The following VWA3B variants were observed in gnomAD, a reference collection of about 807,000 sequenced individuals.
The protein encoded by VWA3B is von Willebrand factor A domain-containing protein 3B.
Under a neutral mutation model 158.3 loss-of-function variants are expected in VWA3B, and 138 were observed. The observed-to-expected ratio is 0.87, with a 90% CI of 0.76 to 1.00. The LOEUF (loss-of-function observed/expected upper bound fraction) is 1.00, where lower values mean the gene tolerates loss of function less well. VWA3B is among the 50% of genes least tolerant of loss of function. The pLI, the probability that VWA3B is intolerant of heterozygous loss-of-function variation, is 0.00. For missense variants in VWA3B, 1,555 were observed against 1,565.1 expected (o/e 0.99, Z 0.11); for synonymous variants, 596 against 587.3 (o/e 1.01, Z -0.21).
At chr2:98,113,172 A>G (rs991907617) in intron 2 of VWA3B, among the ~76,000 whole-genome samples, 1 of 151,782 alleles carries the variant, frequency 6.6e-6, no homozygotes, top group Non-Finnish European at 1.5e-5. Flanking sequence ...TCTTTTGACT[A>G]TTGGTCACAT....
chr2:98,290,800 T>C (rs907896812), intron 23 of VWA3B, 178 bp downstream of exon 23: 10 of 524,820 alleles, frequency 1.9e-5, no homozygotes, highest in Non-Finnish European at 3.4e-5. Flanking sequence ...ATGAGCGTAT[T>C]TGGGCCCCCC....
intron 14 of VWA3B, among the ~76,000 whole-genome samples, chr2:98,226,042 A>G (rs192300390): frequency 6.6e-6 from 1 of 152,358 alleles, no homozygotes; most frequent in Non-Finnish European, 1.5e-5. Context: ...AAATTTCTAT[A>G]AAAACCCCAG....
Position 98,311,985 on chromosome 2 carries a change from G to A in VWA3B, c.3688G>A (p.Gly1230Ser), listed in dbSNP as rs759997020. Reference sequence around the variant, plus strand: ...CTCGGACTCGGACGGCTCCTCCCACGGCATCAGCTCCCATGGGTCCTGCCA... The same window carrying A: ...CTCGGACTCGGACGGCTCCTCCCACAGCATCAGCTCCCATGGGTCCTGCCA... ...APSDSDGSSHGISSHGSCQGT... is the reference protein window; with the variant it reads ...APSDSDGSSHSISSHGSCQGT... The change falls in exon 27 of 28, where the codon GGC becomes AGC. Residue 1230 changes from glycine to serine, a missense_variant. Transcript: ENST00000477737. 2.5e-6 allele frequency: 4 copies of A among 1,604,142 alleles called. No individual in the cohort carries two copies. The highest frequency in any genetic ancestry group is 3.4e-6 in the Non-Finnish European group (4 of 1,175,344).
rs779891369 is a variant in VWA3B, at chr2:98,236,456, G to A, written c.2495G>A (p.Gly832Glu). The A allele has an allele frequency of 1.2e-6, 2 of 1,614,238 alleles. No homozygotes were observed. The highest frequency in any genetic ancestry group is 2.2e-5 in the South Asian group (2 of 91,086). The change falls in exon 18 of 28, where the codon GGA becomes GAA. Residue 832 changes from glycine (G) to glutamate (E), a missense_variant. Gly to Glu is a moderately conservative substitution (Grantham distance 98). Coordinates refer to ENST00000477737, the MANE Select transcript of VWA3B (RefSeq NM_144992.5). ...TCGTCAGAAAAGGTGACGCGAGAAG[G>A]AAGCCAGGTTTATGACCACGAGTGA... The part of the protein sequence containing the change: ...DKSSEKVTRE[G>E]SQVYDHDSSD...
the VWA3B span, among the ~76,000 whole-genome samples, chr2:98,328,322 G>A: frequency 6.6e-6 from 1 of 152,262 alleles, no homozygotes; most frequent in East Asian, 1.9e-4. Flanking sequence ...GACCACTTCT[G>A]TTAAACATTG....
At chr2:98,140,053 CG>C in intron 7 of VWA3B, among the ~76,000 whole-genome samples, 1 of 152,156 alleles carries the variant, frequency 6.6e-6, no homozygotes, top group East Asian at 1.9e-4. Flanking sequence ...TAACACTCAC[CG>C]TGAAGGTCTG....
intron 17 of VWA3B, among the ~76,000 whole-genome samples, chr2:98,236,123 G>C (rs969076483): frequency 6.6e-6 from 1 of 152,170 alleles, no homozygotes; most frequent in African/African-American, 2.4e-5. Flanking sequence ...ACTTTTTAGA[G>C]GTGTGTTTTC....
intron 4 of VWA3B, 136 bp downstream of exon 4, chr2:98,119,899 G>T (rs1014939673): frequency 1.1e-5 from 13 of 1,149,358 alleles, no homozygotes; most frequent in East Asian, 7.3e-5. Context: ...CCTAGAAGAT[G>T]TAATTTCAGC....
intron 1 of VWA3B, among the ~76,000 whole-genome samples, chr2:98,092,159 C>T (rs566077363): frequency 2.2e-4 from 33 of 152,158 alleles, no homozygotes; most frequent in Admixed American, 2.6e-4. Flanking sequence ...GGTTCCCAAC[C>T]GCCACCAGCT....
chr2:98,110,838 A>G (rs1674081466), intron 2 of VWA3B, among the ~76,000 whole-genome samples: 1 of 152,222 alleles, frequency 6.6e-6, no homozygotes. Flanking sequence ...TGAATCATGA[A>G]GGCAGGTCTT....
At chr2:98,236,832 T>C in intron 19 of VWA3B, 102 bp downstream of exon 19, 1 of 1,454,886 alleles carries the variant, frequency 6.9e-7, no homozygotes, top group Non-Finnish European at 9.2e-7. Flanking sequence ...AAATGTATTT[T>C]AGCCACTGGG....
At chr2:98,179,970 A>G (rs1259917176) in intron 8 of VWA3B, among the ~76,000 whole-genome samples, 1 of 70,784 alleles carries the variant, frequency 1.4e-5, no homozygotes, top group African/African-American at 5.2e-5. Flanking sequence ...TCTTTCCTTC[A>G]TCTATCTCCT....
intron 23 of VWA3B, 146 bp from the exon 24 acceptor site, chr2:98,297,761 A>C (rs1689901162): frequency 1.8e-6 from 2 of 1,123,268 alleles, no homozygotes; most frequent in African/African-American, 3.2e-5. Context: ...TATGGTGCCC[A>C]AGATTATCTG....
chr2:98,282,016 A>G (rs1008461086), intron 22 of VWA3B, among the ~76,000 whole-genome samples: 1 of 152,178 alleles, frequency 6.6e-6, no homozygotes, highest in African/African-American at 2.4e-5. Context: ...TTTTGTGTGC[A>G]TGTATAGGCG....
intron 21 of VWA3B, among the ~76,000 whole-genome samples, chr2:98,263,372 A>G (rs1017654987): frequency 9.2e-5 from 14 of 151,892 alleles, no homozygotes; most frequent in Non-Finnish European, 1.8e-4. Context: ...TTCATTATTA[A>G]GTACAATAGT....
intron 19 of VWA3B, among the ~76,000 whole-genome samples, chr2:98,247,582 GTC>G (rs1179354385): frequency 6.6e-6 from 1 of 152,054 alleles, no homozygotes; most frequent in Non-Finnish European, 1.5e-5. Flanking sequence ...GGATATAAAA[GTC>G]TCTGTTAACT....
chr2:98,207,942 C>A (rs1297562373), intron 12 of VWA3B, among the ~76,000 whole-genome samples: 3 of 152,014 alleles, frequency 2.0e-5, no homozygotes, highest in Non-Finnish European at 4.4e-5. Context: ...AAGACTCTAC[C>A]TATTTTATCT....
chr2:98,208,921 G>A (rs1267260614), intron 12 of VWA3B, among the ~76,000 whole-genome samples: 3 of 151,998 alleles, frequency 2.0e-5, no homozygotes, highest in Non-Finnish European at 2.9e-5. Flanking sequence ...TTCTTTAAGG[G>A]TAGGTCTCCC....
At chr2:98,259,783 G>A (rs1309034419) in intron 21 of VWA3B, among the ~76,000 whole-genome samples, 1 of 151,410 alleles carries the variant, frequency 6.6e-6, no homozygotes, top group Non-Finnish European at 1.5e-5. Context: ...CTGGCTTTGG[G>A]TTTAGTTTTC....
Sources: gnomAD v4.1 joint callset for allele counts (sites outside exome capture counted in the v4.1 genomes callset) on GRCh38, gnomAD v4.1.1 for gene constraint, MANE v1.5 for transcripts, NCBI Gene and HGNC (gene_info 2026-07-23, HGNC 2026-07-21) for gene names.